FER1L5: variants seen among roughly 807,000 people sequenced by gnomAD.
FER1L5 encodes the protein fer-1 like family member 5.
In FER1L5, 187 loss-of-function variants were observed where a neutral mutation model predicts 279.9. The observed-to-expected ratio is 0.67, with a 90% confidence interval of 0.59 to 0.75. FER1L5 has a LOEUF of 0.75. FER1L5 is among the 30% of genes least tolerant of loss of function. FER1L5 has a pLI of 0.00. For synonymous variants in FER1L5, 921 were observed against 989.7 expected (o/e 0.93, Z 1.30); for missense variants, 2,091 against 2,594.4 (o/e 0.81, Z 4.21).
At chr2:96,692,395 G>A (rs1423585757) in intron 31 of FER1L5, among the ~76,000 whole-genome samples, 3 of 152,166 alleles carry the variant, frequency 2.0e-5, no homozygotes, top group African/African-American at 7.2e-5. Context: ...TGACAAAGAC[G>A]CAGACCCCTC....
At chr2:96,699,852 A>T in intron 43 of FER1L5, 80 bp from the exon 44 acceptor site, 1 of 1,582,780 alleles carries the variant, frequency 6.3e-7, no homozygotes, top group Non-Finnish European at 8.6e-7. Context: ...CCAAGCTTCC[A>T]CCCGTGGTCA....
Position 96,647,853 on chromosome 2 carries a change from G to A in FER1L5, c.306G>A (p.Leu102=), listed in dbSNP as rs1224429846. The change falls in exon 4 of 53, where the codon TTG becomes TTA. Residue 102 remains leucine (L), a synonymous_variant. Transcript: ENST00000624922. ...QPSEVLFVKD[L]TLLNHSMKPT... The stretch of plus-strand genomic sequence containing the variant: ...GTGAGGTCCTTTTTGTGAAGGACTT[G>A]ACCCTGCTCAACCATTCCATGAAGC... The A allele has an allele frequency of 6.4e-7, 1 of 1,551,692 alleles. No individual in the cohort carries two copies. The highest frequency in any genetic ancestry group is 8.7e-7 in the Non-Finnish European group (1 of 1,147,028).
intron 24 of FER1L5, among the ~76,000 whole-genome samples, chr2:96,688,362 C>T (rs902280337): frequency 2.6e-5 from 4 of 152,280 alleles, no homozygotes; most frequent in East Asian, 1.9e-4. Context: ...CAGGGCAGCC[C>T]GGGACCCCTG....
In FER1L5 at chr2:96,691,465, G is replaced by A. The variant is rs1284456797; in HGVS notation, c.2928G>A (p.Glu976=). Residue 976 remains glutamate, a synonymous_variant, in exon 29 of 53, where the codon GAG becomes GAA. Transcript: ENST00000624922. This position sits in a 1 kb window ranked among gnomAD's most constrained non-coding sequence, Gnocchi z 6.0. ...CACAGGGCCTGGCCAAGGGCGAGGAGGAGGGCTGGGAGTATGACACCTTCG... is the reference window on the plus strand; with the variant it reads ...CACAGGGCCTGGCCAAGGGCGAGGAAGAGGGCTGGGAGTATGACACCTTCG... ...FLQLGLAKGE[E]EGWEYDTFGS... is the part of the protein sequence containing the mutation. The A allele has an allele frequency of 4.3e-5, 66 of 1,544,510 alleles. No homozygotes were observed. Among genetic ancestry groups the A allele is most frequent in the Non-Finnish European group, 5.6e-5 (64 of 1,143,564 alleles).
At position 96,695,791 on chromosome 2, in the gene FER1L5, T is replaced by C; in HGVS notation, c.3944T>C (p.Val1315Ala). The C allele has an allele frequency of 6.2e-7, 1 of 1,612,962 alleles. No individual in the cohort carries two copies. ...GCACTGCCCCTCGTGGTGAAGGTGG[T>C]AGACAACTGGGCCTTCGGCCAGCAG... ...AYALPLVVKVVDNWAFGQQTV... is the reference protein window; with the variant it reads ...AYALPLVVKVADNWAFGQQTV... Residue 1315 changes from valine to alanine, a missense_variant, in exon 36 of 53, where the codon GTA becomes GCA. Physicochemically the swap from Val to Ala is moderately conservative, Grantham distance 64. Coordinates refer to ENST00000624922, the MANE Select transcript of FER1L5 (RefSeq NM_001293083.2).
chr2:96,695,205 G>A (rs2077321003), intron 34 of FER1L5: 8 of 339,250 alleles, frequency 2.4e-5, no homozygotes, highest in East Asian at 6.0e-5. Flanking sequence ...ACAAGGCAGC[G>A]GGTGAGGAGG....
At chr2:96,658,897 AT>A (rs1412484514) in intron 9 of FER1L5, among the ~76,000 whole-genome samples, 1 of 151,638 alleles carries the variant, frequency 6.6e-6, no homozygotes, top group Non-Finnish European at 1.5e-5. Context: ...ATTTGCAAAT[AT>A]TTTCTTCCAG....
rs749799342 is a variant in FER1L5, at chr2:96,663,311, C to G, written c.1072-128C>G. On this transcript the variant is annotated intron_variant, in intron 13 of 52. Coordinates refer to ENST00000624922, the MANE Select transcript of FER1L5 (RefSeq NM_001293083.2). ...AGAAGTTGTGCAGGTGTCTTGAGAG[C>G]AGGGATTAGCCCAAGCACCTCTGTG... is the stretch of plus-strand genomic sequence containing the variant. The G allele has an allele frequency of 2.0e-4, 158 of 808,016 alleles. 1 individual carries two copies. In the Admixed American group the frequency reaches 2.2e-3, roughly 11 times the overall value. The allele number at this position is 808,016 out of a possible 1,614,324, so 50.1% of individuals were successfully genotyped here. A position where few individuals can be genotyped will look rare whatever the true frequency, so the allele number is the denominator to read the frequency against.
At chr2:96,673,994 C>T (rs1311274251) in intron 19 of FER1L5, among the ~76,000 whole-genome samples, 1 of 152,198 alleles carries the variant, frequency 6.6e-6, no homozygotes, top group African/African-American at 2.4e-5. Context: ...ACTTCCCTAC[C>T]TGTCTTTTAA....
chr2:96,644,880 G>A (rs1486730045), intron 1 of FER1L5, among the ~76,000 whole-genome samples: 1 of 152,156 alleles, frequency 6.6e-6, no homozygotes, highest in East Asian at 1.9e-4. Flanking sequence ...CAAGGGCCTG[G>A]CAGTTCTTCT....
chr2:96,645,516 G>A (rs79884144), intron 1 of FER1L5, among the ~76,000 whole-genome samples: 524 of 152,318 alleles, frequency 3.4e-3, no homozygotes, highest in African/African-American at 0.012. Flanking sequence ...GGCCGAGCGC[G>A]GTGGCTTTAG....
intron 2 of FER1L5, 88 bp downstream of exon 2, chr2:96,646,541 T>C (rs2075138459): frequency 7.3e-7 from 1 of 1,361,688 alleles, no homozygotes. Flanking sequence ...CTCAGAGGTC[T>C]AGGGAGAGGA....
chr2:96,687,902 C>T lies in FER1L5; in HGVS notation c.2316C>T (p.Asp772=). 2.6e-6 allele frequency: 4 copies of T among 1,551,076 alleles called. No individual in the cohort carries two copies. The highest frequency in any genetic ancestry group is 3.5e-6 in the Non-Finnish European group (4 of 1,146,970). ...MWLGNVTDSK[D]LQLLRQGDTA... ...TTGGCAATGTCACAGACAGCAAGGACCTGCAGCTGCTCCGCCAGGGTGACA... is the reference window on the plus strand; with the variant it reads ...TTGGCAATGTCACAGACAGCAAGGATCTGCAGCTGCTCCGCCAGGGTGACA... Residue 772 remains aspartate (D), a synonymous_variant, in exon 24 of 53, where the codon GAC becomes GAT. Transcript: ENST00000624922.
chr2:96,686,411 C>CAGCCTCCCAAAGCATTGGGAT, intron 23 of FER1L5, 61 bp downstream of exon 23: 1 of 1,503,070 alleles, frequency 6.7e-7, no homozygotes. Flanking sequence ...GGGGAGCCCC[C>CAGCCTCCCAAAGCATTGGGAT]TGAACTCGCA....
At chr2:96,670,878 G>A (rs531595179) in intron 18 of FER1L5, among the ~76,000 whole-genome samples, 110 of 152,082 alleles carry the variant, frequency 7.2e-4, no homozygotes, top group African/African-American at 2.5e-3. Context: ...GCTCAGGCGG[G>A]CAGATCACTT....
chr2:96,699,800 A>C (rs2077525188), intron 43 of FER1L5, 80 bp downstream of exon 43: 3 of 1,584,926 alleles, frequency 1.9e-6, no homozygotes, highest in Non-Finnish European at 2.6e-6. Flanking sequence ...AGAAGCCTGC[A>C]TCCTGGGCGG....
Position 96,689,016 on chromosome 2 carries a change from G to A in FER1L5, c.2362-197G>A. ...ATGCAGCATCCACCCCACTCTGCCA[G>A]CTGAATGATCCAGGGCAGGGTTGAC... is the stretch of plus-strand genomic sequence containing the variant. On this transcript the variant is annotated intron_variant, in intron 24 of 52. Coordinates refer to ENST00000624922, the MANE Select transcript of FER1L5 (RefSeq NM_001293083.2). This position sits in a 1 kb window ranked among gnomAD's most constrained non-coding sequence, Gnocchi z 4.6. The A allele has an allele frequency of 1.7e-6, 1 of 587,796 alleles. No homozygotes were observed. The highest frequency in any genetic ancestry group is 3.0e-6 in the Non-Finnish European group (1 of 338,418). The allele number at this position is 587,796 out of a possible 1,614,324, so 36.4% of individuals were successfully genotyped here. A position where few individuals can be genotyped will look rare whatever the true frequency, so the allele number is the denominator to read the frequency against.
intron 50 of FER1L5, 35 bp downstream of exon 50, chr2:96,703,381 C>T: frequency 5.0e-6 from 8 of 1,598,116 alleles, no homozygotes; most frequent in Non-Finnish European, 6.8e-6. Context: ...ATTAGGGCTG[C>T]TATGCCACAT....
Position 96,689,704 on chromosome 2 carries a change from G to A in FER1L5, c.2586G>A (p.Gln862=). 6.4e-7 allele frequency: 1 copy of A among 1,550,896 alleles called. No homozygotes were observed. The highest frequency in any genetic ancestry group is 8.7e-7 in the Non-Finnish European group (1 of 1,146,866). ...TGCTGGAGGAGGTATATGAGAACCAGGGCCGTGACACCAGAGGGGCCTGGG... is the reference window on the plus strand; with the variant it reads ...TGCTGGAGGAGGTATATGAGAACCAAGGCCGTGACACCAGAGGGGCCTGGG... ...SQVLEEVYEN[Q]GRDTRGAWGP... is the part of the protein sequence containing the mutation. The change falls in exon 26 of 53, where the codon CAG becomes CAA. Residue 862 remains glutamine (Q), a synonymous_variant. Coordinates refer to ENST00000624922, the MANE Select transcript of FER1L5 (RefSeq NM_001293083.2). This position sits in a 1 kb window ranked among gnomAD's most constrained non-coding sequence, Gnocchi z 4.6.
Sources: allele counts gnomAD v4.1 joint callset (sites outside exome capture counted in the v4.1 genomes callset), GRCh38; gene constraint gnomAD v4.1.1; non-coding constraint Gnocchi (gnomAD v3.1); transcripts MANE v1.5; gene names NCBI Gene and HGNC (gene_info 2026-07-23, HGNC 2026-07-21).